Variants in ARNT observed in about 807,000 individuals in gnomAD.
ARNT encodes aryl hydrocarbon receptor nuclear translocator, also known as class E basic helix-loop-helix protein 2.
ARNT carries 30 observed loss-of-function variants against 105.0 expected under a neutral mutation model. The observed-to-expected ratio is 0.29, with a 90% CI of 0.21 to 0.39. The LOEUF is 0.39. ARNT is among the 10% of genes least tolerant of loss of function. The pLI is 1.00. For synonymous variants in ARNT, 304 were observed against 344.0 expected (o/e 0.88, Z 1.29); for missense variants, 748 against 978.7 (o/e 0.76, Z 3.15).
intron 5 of ARNT, among the ~76,000 whole-genome samples, chr1:150,840,958 T>C (rs1261280922): frequency 6.8e-6 from 1 of 146,030 alleles, no homozygotes; most frequent in Non-Finnish European, 1.5e-5. Flanking sequence ...TTTTTTTTTT[T>C]TTTTTTTTGA....
At chr1:150,816,515 G>A in intron 18 of ARNT, 109 bp from the exon 19 acceptor site, 9 of 1,322,420 alleles carry the variant, frequency 6.8e-6, no homozygotes, top group Non-Finnish European at 8.1e-6. Flanking sequence ...CTTCCTGCAG[G>A]TTAAGGAAAA....
At chr1:150,875,469 G>C (rs1450816045) in intron 1 of ARNT, among the ~76,000 whole-genome samples, 1 of 151,984 alleles carries the variant, frequency 6.6e-6, no homozygotes, top group Non-Finnish European at 1.5e-5. Context: ...CACTCCTACT[G>C]TTTTATTTTC....
chr1:150,817,726 T>C (rs1042509274), intron 15 of ARNT, among the ~76,000 whole-genome samples, 194 bp downstream of exon 15: 1 of 151,588 alleles, frequency 6.6e-6, no homozygotes, highest in Non-Finnish European at 1.5e-5. Flanking sequence ...GGTGAATCAC[T>C]TGAACCCAGG....
At chr1:150,862,210 T>C (rs1186816266) in intron 1 of ARNT, among the ~76,000 whole-genome samples, 1 of 152,150 alleles carries the variant, frequency 6.6e-6, no homozygotes, top group Non-Finnish European at 1.5e-5. Flanking sequence ...ATAAATAATG[T>C]TTCAAGGAAC....
chr1:150,851,044 C>T lies in ARNT; in HGVS notation c.182+1718G>A, dbSNP rs587660702. ...GTCTGAGAAGTGAGGAGCCCCTCCG[C>T]CCGGCAGCCGCCCCGTCTGAGAAGT... On this transcript the variant is annotated intron_variant, in intron 3 of 21. Transcript: ENST00000358595. Among the ~76,000 whole-genome samples the T allele has an allele frequency of 4.7e-5, 7 of 150,440 alleles. No homozygotes were observed. In the East Asian group the frequency reaches 1.4e-3, roughly 30 times the overall value.
intron 1 of ARNT, among the ~76,000 whole-genome samples, chr1:150,873,158 GGGTA>G (rs1667732786): frequency 2.0e-5 from 3 of 151,606 alleles, no homozygotes; most frequent in African/African-American, 7.3e-5. Flanking sequence ...GCGTGGTGGC[GGGTA>G]CCTGTAGTCC....
chr1:150,834,542 T>C lies in ARNT; in HGVS notation c.799A>G (p.Met267Val). ...MGSRRSFICR[M>V]RCGSSSVDPV... ...AATCCTCAGCTTGACACTCACCTCA[T>C]TCGGCAAATAAACGATCTCCTTGAG... Residue 267 changes from methionine (M) to valine (V), a missense_variant, in exon 8 of 22, where the codon ATG becomes GTG. Met to Val is a conservative substitution (Grantham distance 21). Transcript: ENST00000358595. The C allele has an allele frequency of 6.2e-7, 1 of 1,613,796 alleles. No homozygotes were observed. The highest frequency in any genetic ancestry group is 8.5e-7 in the Non-Finnish European group (1 of 1,179,756).
At position 150,813,315 on chromosome 1, in the gene ARNT, C is replaced by T. The variant is rs761276305; in HGVS notation, c.2137G>A (p.Gly713Arg). 1.2e-6 allele frequency: 2 copies of T among 1,613,038 alleles called. No homozygotes were observed. Among genetic ancestry groups the T allele is most frequent in the South Asian group, 1.1e-5 (1 of 90,724 alleles). ...TCTGCTGTCCGTGTCTGGAATTGTC[C>T]TGCAGTCTGTCCAGTCTCAGGAGCT... is the stretch of plus-strand genomic sequence containing the variant. ...NFAPETGQTAGQFQTRTAEGV... is the reference protein window; with the variant it reads ...NFAPETGQTARQFQTRTAEGV... Residue 713 changes from glycine (G) to arginine (R), a missense_variant, in exon 21 of 22, where the codon GGA becomes AGA. By Grantham distance (125) the Gly-to-Arg change is moderately radical. Coordinates refer to ENST00000358595, the MANE Select transcript of ARNT (RefSeq NM_001668.4).
intron 1 of ARNT, among the ~76,000 whole-genome samples, chr1:150,866,354 T>C (rs980079620): frequency 6.6e-6 from 1 of 152,196 alleles, no homozygotes; most frequent in African/African-American, 2.4e-5. Flanking sequence ...CCTGAATCTT[T>C]TGAATGTGAA....
chr1:150,834,190 C>T (rs1358809720), intron 8 of ARNT, among the ~76,000 whole-genome samples: 1 of 152,142 alleles, frequency 6.6e-6, no homozygotes, highest in Non-Finnish European at 1.5e-5. Context: ...ATCCACTCGC[C>T]TCAGCCTCCT....
chr1:150,873,401 T>G (rs587639191), intron 1 of ARNT, among the ~76,000 whole-genome samples: 1 of 152,056 alleles, frequency 6.6e-6, no homozygotes, highest in South Asian at 2.1e-4. Flanking sequence ...TTGCCAGTGA[T>G]AAGTAGAACT....
At chr1:150,868,320 A>T (rs1415626500) in intron 1 of ARNT, among the ~76,000 whole-genome samples, 2 of 152,054 alleles carry the variant, frequency 1.3e-5, no homozygotes, top group African/African-American at 4.8e-5. Flanking sequence ...CTCAAAGAAG[A>T]GTCCTAGCCT....
intron 12 of ARNT, among the ~76,000 whole-genome samples, chr1:150,828,381 A>G (rs770616033): frequency 1.0e-4 from 14 of 137,110 alleles, no homozygotes; most frequent in South Asian, 2.3e-4. Context: ...CAGATATCCA[A>G]TTGTTCCATT....
Position 150,842,935 on chromosome 1 carries a change from G to T in ARNT, c.228-467C>A, listed in dbSNP as rs3768013. Among the ~76,000 whole-genome samples the T allele has an allele frequency of 2.6e-5, 4 of 151,774 alleles. No individual in the cohort carries two copies. In the East Asian group the frequency reaches 7.7e-4, roughly 29 times the overall value. Reference sequence around the variant, plus strand: ...TCCACATGTGCTATTCTATAATGAAGAAATTAAAGACAGAGTACATTAAAG... The same window carrying T: ...TCCACATGTGCTATTCTATAATGAATAAATTAAAGACAGAGTACATTAAAG... On this transcript the variant is annotated intron_variant, in intron 4 of 21. Coordinates refer to ENST00000358595, the MANE Select transcript of ARNT (RefSeq NM_001668.4).
rs1303922824 is a variant in ARNT at position 150,829,521 on chromosome 1, T to A, written c.1033-294A>T. On this transcript the variant is annotated intron_variant, in intron 11 of 21. Coordinates refer to ENST00000358595, the MANE Select transcript of ARNT (RefSeq NM_001668.4). The stretch of plus-strand genomic sequence containing the variant: ...GAACTCATTACTCAGGTTGATATGG[T>A]ACAAGTAACCAAGAAACTTATCTAT... 1.3e-5 allele frequency: 8 copies of A among 600,128 alleles called. No individual in the cohort carries two copies. In the Admixed American group the frequency reaches 1.7e-4, roughly 13 times the overall value. The allele number at this position is 600,128 out of a possible 1,614,324, so 37.2% of individuals were successfully genotyped here.
chr1:150,854,694 T>G (rs892571013), intron 2 of ARNT, among the ~76,000 whole-genome samples: 1 of 151,604 alleles, frequency 6.6e-6, no homozygotes, highest in East Asian at 1.9e-4. Context: ...TCGTCTCTAC[T>G]AAAAATACAA....
rs1656242358 is a variant in ARNT, at chr1:150,817,856, T to G, written c.1505+64A>C. On this transcript the variant is annotated intron_variant, in intron 15 of 21. Transcript: ENST00000358595. Reference sequence around the variant, plus strand: ...ATTAACCAACCGAACAAAAAATATATGGGATTGCAAATGACCACCCCCTGG... The same window carrying G: ...ATTAACCAACCGAACAAAAAATATAGGGGATTGCAAATGACCACCCCCTGG... 6.4e-6 allele frequency: 8 copies of G among 1,255,418 alleles called. No homozygotes were observed. In the South Asian group the frequency reaches 1.1e-4, roughly 18 times the overall value. 77.8% of individuals were successfully genotyped at this position (1,255,418 alleles called of 1,614,324 possible).
rs777035487 is a variant in ARNT, at chr1:150,829,925, T to C, written c.1011A>G (p.Leu337=). Residue 337 remains leucine, a synonymous_variant, in exon 11 of 22, where the codon CTA becomes CTG. Transcript: ENST00000358595. ...TTGCCTGCAATCTGCCAATGGCCAC[T>C]AGGCAAAACTTGCTTCCCTGGCCAG... The part of the protein sequence containing the change: ...PEAGQGSKFC[L]VAIGRLQVTS... 1 of 1,614,224 alleles carries C rather than the reference T, an allele frequency of 6.2e-7. No individual in the cohort carries two copies. The highest frequency in any genetic ancestry group is 8.5e-7 in the Non-Finnish European group (1 of 1,180,036).
intron 3 of ARNT, among the ~76,000 whole-genome samples, chr1:150,852,042 C>CA (rs201248419): frequency 0.029 from 2,760 of 94,864 alleles, 36 homozygotes; most frequent in African/African-American, 0.057. Context: ...GACTCCGTCT[C>CA]AAAAAAAAAA....
Sources: allele counts gnomAD v4.1 joint callset (sites outside exome capture counted in the v4.1 genomes callset), GRCh38; gene constraint gnomAD v4.1.1; transcripts MANE v1.5; gene names NCBI Gene and HGNC (gene_info 2026-07-23, HGNC 2026-07-21).